PPP2R3C: variants seen among roughly 807,000 people sequenced by gnomAD.
PPP2R3C encodes the protein protein phosphatase 2 regulatory subunit B''gamma.
Under a neutral mutation model 63.7 loss-of-function variants are expected in PPP2R3C, and 47 were observed. The ratio of observed to expected loss-of-function variants is 0.74; its 90% CI spans 0.58 to 0.94. The LOEUF is 0.94. Ranked by LOEUF, PPP2R3C falls within the 40% of genes least tolerant of loss-of-function variation. The pLI, the probability that PPP2R3C is intolerant of heterozygous loss-of-function variation, is 0.00. For missense variants in PPP2R3C, 421 were observed against 518.4 expected (o/e 0.81, Z 1.82); for synonymous variants, 180 against 177.4 (o/e 1.01, Z -0.12).
At chr14:35,103,880 C>T (rs1334701547) in intron 6 of PPP2R3C, among the ~76,000 whole-genome samples, 1 of 152,136 alleles carries the variant, frequency 6.6e-6, no homozygotes, top group African/African-American at 2.4e-5. Context: ...TAGTAAGACA[C>T]AAAGTCTGGG....
intron 10 of PPP2R3C, among the ~76,000 whole-genome samples, chr14:35,094,458 C>T: frequency 6.7e-6 from 1 of 149,846 alleles, no homozygotes. Context: ...CATAAGCTAC[C>T]AAGCCTGGCC....
intron 6 of PPP2R3C, chr14:35,101,673 G>GATTT (rs747492763): frequency 1.3e-5 from 2 of 152,144 alleles, no homozygotes; most frequent in South Asian, 4.1e-4. Flanking sequence ...ACTTAGTGTA[G>GATTT]ATTTATCTGG....
chr14:35,119,297 C>T (rs1363511198), intron 1 of PPP2R3C, among the ~76,000 whole-genome samples: 2 of 152,018 alleles, frequency 1.3e-5, no homozygotes, highest in Admixed American at 6.6e-5. Context: ...CTCGGCCTCC[C>T]GAAGTGTTGG....
chr14:35,115,146 G>A (rs188508061), intron 2 of PPP2R3C, among the ~76,000 whole-genome samples: 2 of 148,838 alleles, frequency 1.3e-5, no homozygotes, highest in African/African-American at 4.9e-5. Context: ...GGTTGTAAAC[G>A]GCTTTTTTTT....
chr14:35,115,588 T>G (rs570132149), intron 2 of PPP2R3C, among the ~76,000 whole-genome samples: 9 of 151,758 alleles, frequency 5.9e-5, no homozygotes, highest in Non-Finnish European at 1.2e-4. Flanking sequence ...TTTCAGAGTT[T>G]TGGCACAAGG....
chr14:35,121,797 G>A lies in PPP2R3C; in HGVS notation c.58+105C>T, dbSNP rs1464174180. On this transcript the variant is annotated intron_variant, in intron 1 of 12. Coordinates refer to ENST00000261475, the MANE Select transcript of PPP2R3C (RefSeq NM_017917.4). ...GCCTCCTTTGTCGGGAGGTTTCACA[G>A]AAGCGGAAAAGGCGGCTCCCCCTTG... 7 of 1,303,862 alleles carry A rather than the reference G, an allele frequency of 5.4e-6. No homozygotes were observed. In the East Asian group the frequency reaches 7.0e-5, roughly 13 times the overall value. 80.8% of individuals were successfully genotyped at this position (1,303,862 alleles called of 1,614,324 possible).
chr14:35,105,756 C>T (rs746568574), intron 6 of PPP2R3C, among the ~76,000 whole-genome samples: 1 of 152,080 alleles, frequency 6.6e-6, no homozygotes, highest in Non-Finnish European at 1.5e-5. Context: ...GCATAGAATT[C>T]TAGCTGCTTT....
At chr14:35,089,073 C>T (rs972396811) in intron 11 of PPP2R3C, among the ~76,000 whole-genome samples, 10 of 151,936 alleles carry the variant, frequency 6.6e-5, no homozygotes, top group Admixed American at 2.0e-4. Context: ...TCAGATGAGC[C>T]GCTGATATAA....
chr14:35,109,819 T>C lies in PPP2R3C; in HGVS notation c.404A>G (p.Lys135Arg). ...KVGEKAGAKC[K>R]QFFTAKVFAK... ...CTTTTGTTAATTATATTATTCTTAC[T>C]TGCACTTTGCTCCAGCCTTTTCACC... The change falls in exon 4 of 13, where the codon AAG (lysine) becomes AGG (arginine). Residue 135 changes from lysine (K) to arginine (R), a missense_variant and splice_region_variant. Around this residue, in one of 3 missense-constraint regions of PPP2R3C, gnomAD observed 47 missense variants for 102.3 expected, o/e 0.46. Transcript: ENST00000261475. 1 of 1,556,696 alleles carries C rather than the reference T, an allele frequency of 6.4e-7. No individual in the cohort carries two copies. Among genetic ancestry groups the C allele is most frequent in the Non-Finnish European group, 8.8e-7 (1 of 1,130,334 alleles).
At chr14:35,107,611 G>T in intron 5 of PPP2R3C, 1 of 476,110 alleles carries the variant, frequency 2.1e-6, no homozygotes, top group South Asian at 3.3e-5. Flanking sequence ...AATTAAACTT[G>T]GTGTTCCACC....
At chr14:35,095,753 G>A (rs1190334544) in intron 9 of PPP2R3C, among the ~76,000 whole-genome samples, 1 of 150,652 alleles carries the variant, frequency 6.6e-6, no homozygotes, top group African/African-American at 2.4e-5. Context: ...GGGAGGCTGA[G>A]GCAAGGAGAA....
chr14:35,107,845 G>T, intron 5 of PPP2R3C: 4 of 429,048 alleles, frequency 9.3e-6, no homozygotes, highest in Non-Finnish European at 1.2e-5. Context: ...TAATATACTG[G>T]TAAAATAAAA....
intron 1 of PPP2R3C, among the ~76,000 whole-genome samples, chr14:35,120,733 G>GCTCA (rs2046852593): frequency 6.6e-6 from 1 of 152,024 alleles, no homozygotes; most frequent in South Asian, 2.1e-4. Flanking sequence ...GACTGCCTGA[G>GCTCA]GCCAGGAATT....
intron 5 of PPP2R3C, 156 bp from the exon 6 acceptor site, chr14:35,107,530 G>C: frequency 1.6e-6 from 1 of 613,286 alleles, no homozygotes; most frequent in South Asian, 2.1e-5. Context: ...CCATAGAATG[G>C]AAGAGTTCAA....
intron 6 of PPP2R3C, chr14:35,101,145 T>A (rs2046176624): frequency 1.3e-5 from 2 of 152,082 alleles, no homozygotes; most frequent in African/African-American, 4.8e-5. Context: ...CTGGCTAATT[T>A]TTTGTATTTT....
chr14:35,091,628 A>C (rs1313335179), intron 10 of PPP2R3C, among the ~76,000 whole-genome samples: 5 of 152,082 alleles, frequency 3.3e-5, no homozygotes. Context: ...CAGCCTCCCA[A>C]AGTGCTGGGA....
intron 6 of PPP2R3C, chr14:35,101,990 G>A (rs1314280240): frequency 1.3e-5 from 2 of 151,126 alleles, no homozygotes; most frequent in African/African-American, 4.9e-5. Context: ...CCCTATTACA[G>A]GATTATAAAT....
At chr14:35,098,357 T>G (rs1241778770) in intron 7 of PPP2R3C, among the ~76,000 whole-genome samples, 3 of 147,476 alleles carry the variant, frequency 2.0e-5, no homozygotes, top group Admixed American at 1.4e-4. Context: ...TTTTTTTTTT[T>G]TTTTTTTTTT....
At position 35,116,638 on chromosome 14, in the gene PPP2R3C, T is replaced by C. The variant is rs1484042440; in HGVS notation, c.158A>G (p.Tyr53Cys). Residue 53 changes from tyrosine to cysteine, a missense_variant, in exon 2 of 13, where the codon TAT (tyrosine) becomes TGT (cysteine). Transcript: ENST00000261475. ...ATAATAAAACCGGGGAATGGTCTTA[T>C]AGAATTCATTTGTGTTTTTTCTACC... Reference protein sequence around the residue: ...KGGRKNTNEFYKTIPRFYYRL... With the variant: ...KGGRKNTNEFCKTIPRFYYRL... The C allele has an allele frequency of 5.6e-6, 9 of 1,601,344 alleles. No homozygotes were observed. The highest frequency in any genetic ancestry group is 1.7e-4 in the Middle Eastern group (1 of 5,992).
Sources: gnomAD v4.1 joint callset for allele counts (sites outside exome capture counted in the v4.1 genomes callset) on GRCh38, gnomAD v4.1.1 for gene constraint, gnomAD v4.1.1 regional missense constraint, MANE v1.5 for transcripts, NCBI Gene and HGNC (gene_info 2026-07-23, HGNC 2026-07-21) for gene names.